ZMYND8: variants seen among roughly 807,000 people sequenced by gnomAD.
ZMYND8 encodes zinc finger MYND-type containing 8.
In ZMYND8, 37 loss-of-function variants were observed where a neutral mutation model predicts 140.8. That is an observed-to-expected ratio of 0.26 (90% confidence interval 0.20 to 0.35). The LOEUF (loss-of-function observed/expected upper bound fraction) is 0.35, where lower values mean the gene tolerates loss of function less well. Ranked by LOEUF, ZMYND8 falls within the 10% of genes least tolerant of loss-of-function variation. The probability of loss-of-function intolerance (pLI) is 1.00; values close to 1 mark genes in which losing one functional copy is unlikely to be tolerated. For synonymous variants in ZMYND8, 592 were observed against 597.1 expected (o/e 0.99, Z 0.12); for missense variants, 1,068 against 1,570.0 (o/e 0.68, Z 5.40).
rs746548183 is a variant in ZMYND8 at position 47,246,114 on chromosome 20, G to C, written c.2178C>G (p.Asp726Glu). ...TGACAAGTTCGCTCTCTGAATCAGA[G>C]TCCAGGCCCAAATGGACTGTTGGGG... ...TDSPTVHLGL[D>E]SDSESELVID... Residue 726 changes from aspartate to glutamate, a missense_variant, in exon 14 of 23, where the codon GAC becomes GAG. This residue lies in a region of ZMYND8 where 383 missense variants were observed against 431.2 expected (regional missense o/e 0.89). Transcript: ENST00000471951. 5.6e-6 allele frequency: 9 copies of C among 1,614,066 alleles called. No individual in the cohort carries two copies. The highest frequency in any genetic ancestry group is 2.7e-5 in the African/African-American group (2 of 74,908).
chr20:47,258,973 C>T (rs1601364000), intron 12 of ZMYND8, among the ~76,000 whole-genome samples: 1 of 151,980 alleles, frequency 6.6e-6, no homozygotes, highest in Non-Finnish European at 1.5e-5. Context: ...AGGGGAGACA[C>T]AAGAGGGCCT....
intron 22 of ZMYND8, 33 bp from the exon 23 acceptor site, chr20:47,210,930 T>C: frequency 1.9e-6 from 3 of 1,603,876 alleles, no homozygotes; most frequent in Non-Finnish European, 2.6e-6. Flanking sequence ...TTAGCGTGCC[T>C]GCCCACCTGC....
Position 47,345,860 on chromosome 20 carries a change from G to A in ZMYND8, c.85+1996C>T, listed in dbSNP as rs534801634. Among the ~76,000 whole-genome samples, 3 of 151,430 alleles carry A rather than the reference G, an allele frequency of 2.0e-5. No homozygotes were observed. In the South Asian group the frequency reaches 6.3e-4, roughly 32 times the overall value. The stretch of plus-strand genomic sequence containing the variant: ...GGGCGGGAGGGGGGGGTCTCGTTAA[G>A]TTGCCCAGGCTGGTTTCAAACTCCT... On this transcript the variant is annotated intron_variant, in intron 2 of 22. Coordinates refer to ENST00000471951, the MANE Select transcript of ZMYND8 (RefSeq NM_001281775.3).
chr20:47,319,007 AAC>A lies in ZMYND8; in HGVS notation c.86-8805_86-8804del, dbSNP rs766350827. 34 of 1,351,394 alleles carry A rather than the reference AAC, an allele frequency of 2.5e-5. No homozygotes were observed. The South Asian group carries it at 3.8e-4, about 15-fold the overall frequency. The allele number at this position is 1,351,394 out of a possible 1,614,324, so 83.7% of individuals were successfully genotyped here. A position where few individuals can be genotyped will look rare whatever the true frequency, so the allele number is the denominator to read the frequency against. On this transcript the variant is annotated intron_variant, in intron 2 of 22. Transcript: ENST00000471951. ...GCCTAGCCTCTCTTGTTCAAAAGAG[AAC>A]AGAGGCTCACCCACAGCAGACATTC...
At chr20:47,327,925 C>T (rs761902023) in intron 2 of ZMYND8, among the ~76,000 whole-genome samples, 38 of 152,180 alleles carry the variant, frequency 2.5e-4, no homozygotes, top group Non-Finnish European at 3.7e-4. Context: ...AGTGATCCTC[C>T]GGCCTCAGCC....
At position 47,229,610 on chromosome 20, in the gene ZMYND8, T is replaced by C. The variant is rs925280848; in HGVS notation, c.2937+116A>G. 11 of 906,474 alleles carry C rather than the reference T, an allele frequency of 1.2e-5. No homozygotes were observed. The Admixed American group carries it at 2.9e-4, about 24-fold the overall frequency. The allele number at this position is 906,474 out of a possible 1,614,324, so 56.2% of individuals were successfully genotyped here. On this transcript the variant is annotated intron_variant, in intron 17 of 22. Transcript: ENST00000471951. ...ATAATGACAATCAGTAGAGCCAGCT[T>C]AGTGACCAAGCCAGGACCCCAGAGG...
chr20:47,249,591 C>A (rs953649464), intron 12 of ZMYND8, 152 bp from the exon 13 acceptor site: 2 of 1,091,246 alleles, frequency 1.8e-6, no homozygotes, highest in Admixed American at 2.7e-5. Context: ...ATATCATCTG[C>A]TCAACCAAAT....
rs1210273211 is a variant in ZMYND8, at chr20:47,352,401, A to G, written c.14+4256T>C. On this transcript the variant is annotated intron_variant, in intron 1 of 22. Coordinates refer to ENST00000471951, the MANE Select transcript of ZMYND8 (RefSeq NM_001281775.3). ...TGAAGCAGCCAGTCCTAAGACAGTT[A>G]ACATCAAGGAAAGACAATCCGAGTC... is the stretch of plus-strand genomic sequence containing the variant. 7 of 957,054 alleles carry G rather than the reference A, an allele frequency of 7.3e-6. No individual in the cohort carries two copies. In the East Asian group the frequency reaches 6.9e-4, roughly 94 times the overall value. 59.3% of individuals were successfully genotyped at this position (957,054 alleles called of 1,614,324 possible).
intron 12 of ZMYND8, among the ~76,000 whole-genome samples, chr20:47,251,074 A>T (rs1305011541): frequency 1.3e-5 from 2 of 151,832 alleles, no homozygotes; most frequent in African/African-American, 4.8e-5. Flanking sequence ...TTCCTAAATC[A>T]CACTTACAGA....
At position 47,210,830 on chromosome 20, in the gene ZMYND8, A is replaced by T. The variant is rs779086609; in HGVS notation, c.3636T>A (p.Asp1212Glu). 21 of 1,613,880 alleles carry T rather than the reference A, an allele frequency of 1.3e-5. No homozygotes were observed. Among genetic ancestry groups the T allele is most frequent in the East Asian group, 4.5e-5 (2 of 44,858 alleles). Residue 1212 changes from aspartate to glutamate, a missense_variant, in exon 23 of 23, where the codon GAT becomes GAA. By Grantham distance (45) the Asp-to-Glu change is conservative. Around this residue, in one of 10 missense-constraint regions of ZMYND8, gnomAD observed 180 missense variants for 187.8 expected, o/e 0.96. Transcript: ENST00000471951. Reference sequence around the variant, plus strand: ...TCTTCGTGCTGGTACTGGTGTTGTGATCGGAACGTGTCGATCCCCTCTTCT... The same window carrying T: ...TCTTCGTGCTGGTACTGGTGTTGTGTTCGGAACGTGTCGATCCCCTCTTCT... Reference protein sequence around the residue: ...SDEKRGSTRSDHNTSTSTKSL... With the variant: ...SDEKRGSTRSEHNTSTSTKSL...
intron 12 of ZMYND8, among the ~76,000 whole-genome samples, chr20:47,251,271 T>TGA: frequency 6.6e-6 from 1 of 152,278 alleles, no homozygotes; most frequent in East Asian, 1.9e-4. Context: ...CAGCCACCTC[T>TGA]GAGAGGGTGA....
In ZMYND8 at chr20:47,334,735, G is replaced by A. The variant is rs557271267; in HGVS notation, c.85+13121C>T. ...AGCAATTCTCCCGCCTCAGCCTGCT[G>A]AGTAGCTGGGATTACAGGCACACGC... On this transcript the variant is annotated intron_variant, in intron 2 of 22. Coordinates refer to ENST00000471951, the MANE Select transcript of ZMYND8 (RefSeq NM_001281775.3). Among the ~76,000 whole-genome samples the A allele has an allele frequency of 6.6e-5, 10 of 151,790 alleles. No homozygotes were observed. The South Asian group carries it at 1.2e-3, about 19-fold the overall frequency.
intron 2 of ZMYND8, among the ~76,000 whole-genome samples, chr20:47,326,977 C>G (rs911449540): frequency 3.3e-5 from 5 of 152,080 alleles, no homozygotes; most frequent in African/African-American, 1.2e-4. Context: ...GTGACTGTAC[C>G]CAAACTTGAA....
At chr20:47,214,844 C>T (rs2035839964) in intron 21 of ZMYND8, among the ~76,000 whole-genome samples, 1 of 152,152 alleles carries the variant, frequency 6.6e-6, no homozygotes, top group Non-Finnish European at 1.5e-5. Flanking sequence ...GCACCTCAAT[C>T]TTTATCCAAA....
At chr20:47,247,918 C>T (rs576590814) in intron 13 of ZMYND8, among the ~76,000 whole-genome samples, 50 of 152,126 alleles carry the variant, frequency 3.3e-4, no homozygotes, top group South Asian at 6.2e-4. Context: ...TCAAGGCTAG[C>T]CAGGGCAACA....
intron 21 of ZMYND8, among the ~76,000 whole-genome samples, chr20:47,219,075 T>TTTTTTTTTTTTTTA: frequency 6.7e-6 from 1 of 148,544 alleles, no homozygotes; most frequent in Admixed American, 6.7e-5. Flanking sequence ...TTTTTTTTTT[T>TTTTTTTTTTTTTTA]GAGAGAGAGT....
At chr20:47,346,754 G>A (rs1386243139) in intron 2 of ZMYND8, among the ~76,000 whole-genome samples, 2 of 152,098 alleles carry the variant, frequency 1.3e-5, no homozygotes, top group African/African-American at 2.4e-5. Flanking sequence ...TTACAGGCGC[G>A]TGCCACCATG....
intron 11 of ZMYND8, among the ~76,000 whole-genome samples, chr20:47,268,176 G>A (rs1337960958): frequency 2.0e-5 from 3 of 152,080 alleles, no homozygotes; most frequent in Admixed American, 6.5e-5. Flanking sequence ...AAACAATGAC[G>A]AGGCCGGTCG....
Sources: allele counts gnomAD v4.1 joint callset (sites outside exome capture counted in the v4.1 genomes callset), GRCh38; gene constraint gnomAD v4.1.1; regional missense constraint gnomAD v4.1.1; transcripts MANE v1.5; gene names NCBI Gene and HGNC (gene_info 2026-07-23, HGNC 2026-07-21).